RALGDS: variants seen among roughly 807,000 people sequenced by gnomAD.
RALGDS encodes the protein ral guanine nucleotide exchange factor.
Under a neutral mutation model 99.8 loss-of-function variants are expected in RALGDS, and 44 were observed. The observed-to-expected ratio is 0.44, with a 90% CI of 0.35 to 0.57. The LOEUF (loss-of-function observed/expected upper bound fraction) is 0.57, where lower values mean the gene tolerates loss of function less well. Among genes scored for constraint, RALGDS ranks in the 20% least tolerant of loss-of-function variants. The pLI is 0.01. For synonymous variants in RALGDS, 529 were observed against 505.0 expected (o/e 1.05, Z -0.64); for missense variants, 1,022 against 1,203.1 (o/e 0.85, Z 2.23).
intron 7 of RALGDS, among the ~76,000 whole-genome samples, 160 bp downstream of exon 7, chr9:133,106,925 G>A (rs1234186499): frequency 6.6e-6 from 1 of 151,894 alleles, no homozygotes; most frequent in Non-Finnish European, 1.5e-5. Context: ...AGGAAAGAGT[G>A]TAAGGAAGAC....
At position 133,107,245 on chromosome 9, in the gene RALGDS, C is replaced by T. The variant is rs1564233840; in HGVS notation, c.1253G>A (p.Arg418Gln). 8.1e-6 allele frequency: 13 copies of T among 1,613,658 alleles called. No homozygotes were observed. Among genetic ancestry groups the T allele is most frequent in the Non-Finnish European group, 1.0e-5 (12 of 1,180,032 alleles). Residue 418 changes from arginine (R) to glutamine (Q), a missense_variant, in exon 7 of 18, where the codon CGG (arginine) becomes CAG (glutamine). Around this residue, in one of 3 missense-constraint regions of RALGDS, gnomAD observed 825 missense variants for 994.5 expected, o/e 0.83. Transcript: ENST00000372050. ...YHCLGSIWSQRDKKGKEHLAP... is the reference protein window; with the variant it reads ...YHCLGSIWSQQDKKGKEHLAP... ...CAGGTGCTCCTTGCCCTTCTTGTCC[C>T]GCTGGGACCAGATGGAGCCCAGGCA...
intron 16 of RALGDS, chr9:133,100,686 C>T: frequency 7.9e-7 from 1 of 1,268,066 alleles, no homozygotes; most frequent in South Asian, 1.6e-5. Flanking sequence ...GAAGCACTTG[C>T]CCCTCCAGGA....
chr9:133,121,342 G>T, upstream of RALGDS: 1 of 526,076 alleles, frequency 1.9e-6, no homozygotes, highest in Non-Finnish European at 2.4e-6. Context: ...TCCGAGGGAC[G>T]CGTGCGTGCG....
chr9:133,103,412 G>A, intron 11 of RALGDS, 150 bp from the exon 12 acceptor site: 3 of 984,212 alleles, frequency 3.0e-6, no homozygotes, highest in Non-Finnish European at 4.8e-6. Context: ...AGGGCAAGGG[G>A]ACATGCGGGC....
At position 133,112,154 on chromosome 9, in the gene RALGDS, T is replaced by C; in HGVS notation, c.184-2A>G. 6.4e-7 allele frequency: 1 copy of C among 1,556,132 alleles called. No individual in the cohort carries two copies. Among genetic ancestry groups the C allele is most frequent in the East Asian group, 2.4e-5 (1 of 41,582 alleles). ...CTCACCGATCTCCTGCGTGGAGCTCTGTGAAGACAACGCCCGGCAGCCGGG... is the reference window on the plus strand; with the variant it reads ...CTCACCGATCTCCTGCGTGGAGCTCCGTGAAGACAACGCCCGGCAGCCGGG... On this transcript the variant is annotated splice_acceptor_variant, in intron 1 of 17. Coordinates refer to ENST00000372050, the MANE Select transcript of RALGDS (RefSeq NM_006266.4). LOFTEE classifies it high-confidence loss of function.
At chr9:133,146,220 C>A (rs189463121) in intron 1 of RALGDS, among the ~76,000 whole-genome samples, 54 of 152,266 alleles carry the variant, frequency 3.5e-4, no homozygotes, top group South Asian at 3.1e-3. Flanking sequence ...CAGGGTCTGG[C>A]TCCGTCGCCC....
At chr9:133,132,788 C>T (rs150083954), upstream of RALGDS, among the ~76,000 whole-genome samples, 841 of 152,180 alleles carry the variant, frequency 5.5e-3, 8 homozygotes, top group African/African-American at 0.02. Context: ...AACAGGCATG[C>T]GGCACCACGC....
intron 1 of RALGDS, among the ~76,000 whole-genome samples, chr9:133,140,931 C>T (rs934878629): frequency 1.3e-5 from 2 of 152,202 alleles, no homozygotes; most frequent in Admixed American, 1.3e-4. Flanking sequence ...TCCTGTGGCA[C>T]TCCAGCTGGG....
rs1831111114 is a variant in RALGDS, at chr9:133,107,275, T to C, written c.1223A>G (p.Tyr408Cys). ...GGACCAGATGGAGCCCAGGCAGTGG[T>C]AGGGCACCACCTTCTTGAACAGTTC... The part of the protein sequence containing the change: ...DAELFKKVVP[Y>C]HCLGSIWSQR... Residue 408 changes from tyrosine to cysteine, a missense_variant, in exon 7 of 18, where the codon TAC becomes TGC. By Grantham distance (194) the Tyr-to-Cys change is radical. Coordinates refer to ENST00000372050, the MANE Select transcript of RALGDS (RefSeq NM_006266.4). 1 of 1,613,574 alleles carries C rather than the reference T, an allele frequency of 6.2e-7. No individual in the cohort carries two copies. Among genetic ancestry groups the C allele is most frequent in the Admixed American group, 1.7e-5 (1 of 59,998 alleles).
intron 1 of RALGDS, among the ~76,000 whole-genome samples, chr9:133,148,573 C>A (rs1222465251): frequency 2.6e-5 from 4 of 152,240 alleles, no homozygotes; most frequent in Admixed American, 6.5e-5. Flanking sequence ...TGTGTGTGAG[C>A]ATGTATGCGC....
upstream of RALGDS, among the ~76,000 whole-genome samples, chr9:133,125,046 AAAAG>A (rs1315812420): frequency 2.6e-5 from 4 of 152,258 alleles, no homozygotes; most frequent in African/African-American, 7.2e-5. Context: ...TTTCAGAGGA[AAAAG>A]AAAGGGGAAA....
At position 133,148,963 on chromosome 9, in the gene RALGDS, C is replaced by T. The variant is rs998072004; in HGVS notation, c.18G>A (p.Gln6=). 4 of 1,602,272 alleles carry T rather than the reference C, an allele frequency of 2.5e-6. No individual in the cohort carries two copies. The African/African-American group carries it at 5.4e-5, about 21-fold the overall frequency. ...GAGGCTGGGGACGGCGCGCACTCAC[C>T]TGGCAATCTACCATCATCCTCAGCC... Residue 6 remains glutamine, a splice_region_variant and synonymous_variant, in exon 1 of 18, where the codon CAG becomes CAA. Transcript: ENST00000393160.
chr9:133,126,194 A>G (rs957135383), upstream of RALGDS, among the ~76,000 whole-genome samples: 1 of 105,434 alleles, frequency 9.5e-6, no homozygotes, highest in Non-Finnish European at 2.0e-5. Flanking sequence ...GCCCCCCCAC[A>G]CCCCCACCTA....
At chr9:133,100,854 G>A in intron 16 of RALGDS, 1 of 1,064,510 alleles carries the variant, frequency 9.4e-7, no homozygotes, top group Non-Finnish European at 1.1e-6. Context: ...TCGGACATAG[G>A]GCCACAGGTG....
chr9:133,136,527 G>A (rs1832428946), intron 1 of RALGDS, among the ~76,000 whole-genome samples: 1 of 152,212 alleles, frequency 6.6e-6, no homozygotes, highest in Non-Finnish European at 1.5e-5. Context: ...TGTAATCCCA[G>A]CACTTTGGGA....
intron 1 of RALGDS, 107 bp downstream of exon 1, chr9:133,120,865 C>T: frequency 4.9e-6 from 6 of 1,235,120 alleles, no homozygotes; most frequent in Non-Finnish European, 6.3e-6. Context: ...GGAGGCGGCC[C>T]GCTGGGATCG....
Position 133,106,759 on chromosome 9 carries a change from A to G in RALGDS, c.1414-11T>C. On this transcript the variant is annotated splice_polypyrimidine_tract_variant and intron_variant, in intron 7 of 17. Coordinates refer to ENST00000372050, the MANE Select transcript of RALGDS (RefSeq NM_006266.4). The stretch of plus-strand genomic sequence containing the variant: ...GAGGATCCGGCACTCCTGGGGCGGG[A>G]AGAGCAGGAGGCATGAGGTGGGGCT... 6.3e-7 allele frequency: 1 copy of G among 1,592,498 alleles called. No individual in the cohort carries two copies. Among genetic ancestry groups the G allele is most frequent in the Non-Finnish European group, 8.6e-7 (1 of 1,162,946 alleles).
chr9:133,107,841 T>G (rs940314950), intron 6 of RALGDS, 147 bp downstream of exon 6: 1 of 1,037,182 alleles, frequency 9.6e-7, no homozygotes, highest in African/African-American at 1.6e-5. Flanking sequence ...GACTTGGGGT[T>G]AAGGAACGAC....
At position 133,107,235 on chromosome 9, in the gene RALGDS, C is replaced by T; in HGVS notation, c.1263G>A (p.Lys421=). ...TGGTGGGCGCCAGGTGCTCCTTGCC[C>T]TTCTTGTCCCGCTGGGACCAGATGG... ...LGSIWSQRDK[K]GKEHLAPTIR... Residue 421 remains lysine (K), a synonymous_variant, in exon 7 of 18, where the codon AAG becomes AAA. Transcript: ENST00000372050. The T allele has an allele frequency of 6.2e-7, 1 of 1,613,782 alleles. No homozygotes were observed. Among genetic ancestry groups the T allele is most frequent in the Non-Finnish European group, 8.5e-7 (1 of 1,180,028 alleles).
Sources: allele counts gnomAD v4.1 joint callset (sites outside exome capture counted in the v4.1 genomes callset), GRCh38; gene constraint gnomAD v4.1.1; regional missense constraint gnomAD v4.1.1; transcripts MANE v1.5; gene names NCBI Gene and HGNC (gene_info 2026-07-23, HGNC 2026-07-21).